The following SLC25A12 variants were observed in gnomAD, a reference collection of about 807,000 sequenced individuals.
The protein encoded by SLC25A12 is solute carrier family 25 member 12.
A neutral mutation model predicts 83.3 loss-of-function variants in SLC25A12; 32 were observed. The ratio of observed to expected loss-of-function variants is 0.38; its 90% CI spans 0.29 to 0.52. The LOEUF is 0.52. Among genes scored for constraint, SLC25A12 ranks in the 20% least tolerant of loss-of-function variants. The pLI is 0.84. For synonymous variants in SLC25A12, 267 were observed against 291.1 expected (o/e 0.92, Z 0.84); for missense variants, 611 against 835.6 (o/e 0.73, Z 3.31).
intron 13 of SLC25A12, among the ~76,000 whole-genome samples, chr2:171,800,024 A>G (rs1683676944): frequency 6.6e-6 from 1 of 152,200 alleles, no homozygotes; most frequent in African/African-American, 2.4e-5. Flanking sequence ...ATTAGAAAGT[A>G]CCTAAAGGTT....
chr2:171,873,281 T>C (rs1030780688), intron 2 of SLC25A12, among the ~76,000 whole-genome samples: 5 of 152,110 alleles, frequency 3.3e-5, no homozygotes, highest in African/African-American at 4.8e-5. Context: ...ACCCCATCTC[T>C]ACTAAAAATA....
chr2:171,845,482 T>G (rs1389169280), intron 4 of SLC25A12, among the ~76,000 whole-genome samples: 2 of 152,194 alleles, frequency 1.3e-5, no homozygotes, highest in Admixed American at 1.3e-4. Context: ...ATTTTATTAG[T>G]GAAAGAGTTT....
intron 13 of SLC25A12, among the ~76,000 whole-genome samples, chr2:171,795,045 T>C (rs1683571898): frequency 6.6e-6 from 1 of 152,180 alleles, no homozygotes; most frequent in African/African-American, 2.4e-5. Flanking sequence ...ATCCCCCAAC[T>C]ACCCCTATTC....
chr2:171,829,837 C>T (rs529824830), intron 8 of SLC25A12, among the ~76,000 whole-genome samples: 6 of 152,320 alleles, frequency 3.9e-5, no homozygotes, highest in African/African-American at 1.4e-4. Flanking sequence ...AATTTATTTG[C>T]CCAAAACCCT....
chr2:171,828,363 G>A (rs190987566), intron 8 of SLC25A12, among the ~76,000 whole-genome samples: 2 of 152,322 alleles, frequency 1.3e-5, no homozygotes, highest in East Asian at 3.9e-4. Flanking sequence ...GTCAACTTAA[G>A]CCCTCTTTTC....
At chr2:171,875,413 T>A (rs6726991) in intron 2 of SLC25A12, among the ~76,000 whole-genome samples, 2 of 152,024 alleles carry the variant, frequency 1.3e-5, no homozygotes, top group African/African-American at 2.4e-5. Flanking sequence ...CAAGAACCTG[T>A]ACAACTTGCA....
In SLC25A12 at chr2:171,850,725, T is replaced by A. The variant is rs553308230; in HGVS notation, c.325+5109A>T. ...ATCCTCCCGCCTCGGCCTCCCAAAG[T>A]GCTGGGATTACAGGCGTGAGCCACT... On this transcript the variant is annotated intron_variant, in intron 4 of 17. Transcript: ENST00000422440. 5.0e-4 allele frequency among the ~76,000 whole-genome samples: 76 copies of A among 152,264 alleles called. 1 individual carries two copies. The highest frequency in any genetic ancestry group is 1.8e-3 in the African/African-American group (76 of 41,562).
intron 9 of SLC25A12, among the ~76,000 whole-genome samples, chr2:171,817,204 G>A (rs893447374): frequency 1.3e-5 from 2 of 152,128 alleles, no homozygotes; most frequent in African/African-American, 4.8e-5. Context: ...ATGGTAATTT[G>A]TAATAGGAGT....
chr2:171,859,796 T>C (rs1406255341), intron 3 of SLC25A12, among the ~76,000 whole-genome samples: 3 of 152,056 alleles, frequency 2.0e-5, no homozygotes, highest in Non-Finnish European at 4.4e-5. Flanking sequence ...AGTTTTGCTC[T>C]TGTTGCCCCA....
At chr2:171,838,987 T>G (rs923308299) in intron 5 of SLC25A12, among the ~76,000 whole-genome samples, 3 of 152,170 alleles carry the variant, frequency 2.0e-5, no homozygotes, top group Non-Finnish European at 4.4e-5. Flanking sequence ...AATGAGAAGT[T>G]AAACACAGAA....
At chr2:171,853,893 A>C (rs1355360587) in intron 4 of SLC25A12, among the ~76,000 whole-genome samples, 1 of 152,208 alleles carries the variant, frequency 6.6e-6, no homozygotes, top group African/African-American at 2.4e-5. Flanking sequence ...AAAGTAATTA[A>C]ATGGAGGAGA....
intron 17 of SLC25A12, among the ~76,000 whole-genome samples, chr2:171,786,472 C>T (rs1690493329): frequency 1.3e-5 from 2 of 151,882 alleles, no homozygotes; most frequent in South Asian, 4.2e-4. Flanking sequence ...CCTGAAGCCT[C>T]ACATTTCTAC....
At chr2:171,873,535 T>C (rs1186739606) in intron 2 of SLC25A12, among the ~76,000 whole-genome samples, 1 of 152,186 alleles carries the variant, frequency 6.6e-6, no homozygotes. Context: ...AGTGGGTACT[T>C]TTACCTATTG....
chr2:171,833,483 C>T (rs183273878), intron 8 of SLC25A12, among the ~76,000 whole-genome samples: 1 of 152,182 alleles, frequency 6.6e-6, no homozygotes, highest in Non-Finnish European at 1.5e-5. Flanking sequence ...ACAGGCCAGG[C>T]TGGTCTCAAA....
intron 3 of SLC25A12, among the ~76,000 whole-genome samples, chr2:171,864,227 C>G (rs527286789): frequency 6.6e-6 from 1 of 152,284 alleles, no homozygotes; most frequent in Middle Eastern, 3.4e-3. Context: ...AGCACCTCAA[C>G]AGGTAGGAGA....
At position 171,813,903 on chromosome 2, in the gene SLC25A12, C is replaced by T. The variant is rs562844292; in HGVS notation, c.1013-406G>A. Among the ~76,000 whole-genome samples the T allele has an allele frequency of 2.6e-5, 4 of 152,198 alleles. No homozygotes were observed. The East Asian group carries it at 5.8e-4, about 22-fold the overall frequency. On this transcript the variant is annotated intron_variant, in intron 10 of 17. Coordinates refer to ENST00000422440, the MANE Select transcript of SLC25A12 (RefSeq NM_003705.5). ...AGTTACTTCTTAAAATGACTATATC[C>T]GTACACTAGGTGGCTACGATTTTAA...
At chr2:171,867,460 G>A (rs956888441) in intron 3 of SLC25A12, among the ~76,000 whole-genome samples, 2 of 152,198 alleles carry the variant, frequency 1.3e-5, no homozygotes, top group African/African-American at 4.8e-5. Flanking sequence ...GCGAAACCCC[G>A]TCTCCACCAA....
intron 2 of SLC25A12, among the ~76,000 whole-genome samples, chr2:171,885,764 C>A (rs969246864): frequency 5.3e-5 from 8 of 152,160 alleles, no homozygotes; most frequent in Non-Finnish European, 1.2e-4. Context: ...ATTATAATAG[C>A]ATGGTTAATA....
chr2:171,884,750 G>C (rs1201581034), intron 2 of SLC25A12, among the ~76,000 whole-genome samples: 4 of 151,254 alleles, frequency 2.6e-5, no homozygotes, highest in Non-Finnish European at 5.9e-5. Flanking sequence ...ACTCCAGCCT[G>C]GGCAACAAGA....
Sources: gnomAD v4.1 joint callset for allele counts (sites outside exome capture counted in the v4.1 genomes callset) on GRCh38, gnomAD v4.1.1 for gene constraint, MANE v1.5 for transcripts, NCBI Gene and HGNC (gene_info 2026-07-23, HGNC 2026-07-21) for gene names.